Variants in PCSK5 observed in about 807,000 individuals in gnomAD.
PCSK5 encodes prohormone convertase 5.
PCSK5 carries 129 observed loss-of-function variants against 233.2 expected under a neutral mutation model. The observed-to-expected ratio is 0.55, with a 90% CI of 0.48 to 0.64. The LOEUF (loss-of-function observed/expected upper bound fraction) is 0.64. PCSK5 is among the 30% of genes least tolerant of loss of function. The pLI is 0.00. For missense variants in PCSK5, 2,076 were observed against 2,430.1 expected (o/e 0.85, Z 3.06); for synonymous variants, 825 against 879.2 (o/e 0.94, Z 1.09).
intron 21 of PCSK5, among the ~76,000 whole-genome samples, chr9:76,230,238 ATCTT>A (rs1204935620): frequency 1.3e-5 from 2 of 152,176 alleles, no homozygotes; most frequent in African/African-American, 2.4e-5. Flanking sequence ...TGTCTTCCCT[ATCTT>A]TCTATCTTTA....
intron 5 of PCSK5, among the ~76,000 whole-genome samples, chr9:76,046,160 GTTTTTTTTTTTT>G (rs71372041): frequency 6.9e-5 from 4 of 58,036 alleles, no homozygotes; most frequent in Admixed American, 2.6e-4. Context: ...TTTTTCTTTT[GTTTTTTTTTTTT>G]TTTTTTTTTT....
intron 5 of PCSK5, among the ~76,000 whole-genome samples, chr9:76,050,449 G>A (rs1009806369): frequency 1.3e-5 from 2 of 151,940 alleles, no homozygotes; most frequent in Non-Finnish European, 2.9e-5. Context: ...TAGTCTCTTA[G>A]CATATACACT....
At chr9:75,924,483 T>C (rs1297140396) in intron 1 of PCSK5, among the ~76,000 whole-genome samples, 1 of 152,174 alleles carries the variant, frequency 6.6e-6, no homozygotes, top group Non-Finnish European at 1.5e-5. Flanking sequence ...AAATCCTGGC[T>C]TGGACACTTT....
intron 12 of PCSK5, among the ~76,000 whole-genome samples, chr9:76,162,583 A>G (rs926788486): frequency 7.2e-5 from 11 of 152,206 alleles, no homozygotes; most frequent in African/African-American, 2.7e-4. Flanking sequence ...GGAATTTGCC[A>G]GAGATGATTG....
chr9:76,049,099 T>TA (rs33912681), intron 5 of PCSK5, among the ~76,000 whole-genome samples: 30 of 146,610 alleles, frequency 2.0e-4, no homozygotes, highest in East Asian at 4.0e-4. Flanking sequence ...TTCAAAGGGT[T>TA]AAAAAAAAAA....
At position 76,359,227 on chromosome 9, in the gene PCSK5, C is replaced by T. The variant is rs892550230; in HGVS notation, c.*305C>T. On this transcript the variant is annotated 3_prime_UTR_variant, in exon 38 of 38. Transcript: ENST00000674117. ...GAAGTGAAAACAAATGAGATTTGTA[C>T]AAACTCTTCTATGTGATTTTAAAAA... is the stretch of plus-strand genomic sequence containing the variant. 3.0e-6 allele frequency: 1 copy of T among 336,474 alleles called. No homozygotes were observed. The highest frequency in any genetic ancestry group is 4.2e-5 in the Admixed American group (1 of 23,800). The allele number at this position is 336,474 out of a possible 1,614,324, so 20.8% of individuals were successfully genotyped here. A position where few individuals can be genotyped will look rare whatever the true frequency, so the allele number is the denominator to read the frequency against.
At position 75,892,128 on chromosome 9, in the gene PCSK5, G is replaced by C. The variant is rs142389153; in HGVS notation, c.192+755G>C. Reference sequence around the variant, plus strand: ...GTCTTACCCCGGGACGGAAGGTGCCGGGCCGGGAGGTTGCGCCGTGGGGCG... The same window carrying C: ...GTCTTACCCCGGGACGGAAGGTGCCCGGCCGGGAGGTTGCGCCGTGGGGCG... On this transcript the variant is annotated intron_variant, in intron 1 of 37. Transcript: ENST00000674117. 8.7e-3 allele frequency among the ~76,000 whole-genome samples: 1,320 copies of C among 152,308 alleles called. 12 individuals carry two copies. Among genetic ancestry groups the C allele is most frequent in the Non-Finnish European group, 0.013 (884 of 68,022 alleles).
chr9:76,046,163 T>G (rs927453411), intron 5 of PCSK5, among the ~76,000 whole-genome samples: 1 of 25,790 alleles, frequency 3.9e-5, no homozygotes, highest in African/African-American at 2.1e-4. Flanking sequence ...TTCTTTTGTT[T>G]TTTTTTTTTT....
At chr9:76,302,078 T>A (rs1331315327) in intron 27 of PCSK5, 59 bp from the exon 28 acceptor site, 6 of 796,824 alleles carry the variant, frequency 7.5e-6, no homozygotes, top group Non-Finnish European at 9.0e-6. Context: ...GTGAAGTTTA[T>A]CTTCTTTATC....
chr9:76,004,501 A>G lies in PCSK5; in HGVS notation c.411+18256A>G, dbSNP rs532749832. ...AGGGATGATATTTTGTAGCACGTGC[A>G]TATCCTATTCCCTGTCAATTTTTCC... On this transcript the variant is annotated intron_variant, in intron 3 of 37. Transcript: ENST00000674117. Among the ~76,000 whole-genome samples, 9 of 152,304 alleles carry G rather than the reference A, an allele frequency of 5.9e-5. No individual in the cohort carries two copies. In the East Asian group the frequency reaches 1.7e-3, roughly 29 times the overall value.
Position 76,045,402 on chromosome 9 carries a change from A to T in PCSK5, c.632+18365A>T, listed in dbSNP as rs567724796. ...CCAGTTGGTGATTGGTTTCCATGGA[A>T]ATGGAAATGGAATAAGCATTCCTCC... On this transcript the variant is annotated intron_variant, in intron 5 of 37. Transcript: ENST00000674117. Among the ~76,000 whole-genome samples, 6 of 152,318 alleles carry T rather than the reference A, an allele frequency of 3.9e-5. No individual in the cohort carries two copies. In the East Asian group the frequency reaches 9.6e-4, roughly 24 times the overall value.
intron 32 of PCSK5, among the ~76,000 whole-genome samples, chr9:76,325,409 C>A (rs1829331039): frequency 6.6e-6 from 1 of 152,184 alleles, no homozygotes; most frequent in Non-Finnish European, 1.5e-5. Flanking sequence ...ATCACCTGGG[C>A]AGCTCTTAAA....
At chr9:76,310,320 T>C (rs1378499860) in intron 29 of PCSK5, among the ~76,000 whole-genome samples, 4 of 151,554 alleles carry the variant, frequency 2.6e-5, no homozygotes, top group Admixed American at 6.6e-5. Flanking sequence ...AGAGTATTAA[T>C]AGATTCCATC....
At chr9:75,991,210 A>G (rs1312842883) in intron 3 of PCSK5, among the ~76,000 whole-genome samples, 1 of 152,212 alleles carries the variant, frequency 6.6e-6, no homozygotes, top group African/African-American at 2.4e-5. Context: ...ACGTAATTCT[A>G]CATCATGCTT....
At chr9:75,993,568 AAG>A (rs1276208611) in intron 3 of PCSK5, among the ~76,000 whole-genome samples, 1 of 90,092 alleles carries the variant, frequency 1.1e-5, no homozygotes, top group East Asian at 1.4e-3. Flanking sequence ...TACTAATTCA[AAG>A]TCAATATGTA....
chr9:76,167,942 T>C (rs1212068130), intron 12 of PCSK5, among the ~76,000 whole-genome samples: 3 of 152,218 alleles, frequency 2.0e-5, no homozygotes, highest in Admixed American at 2.0e-4. Flanking sequence ...TTTTCCTCTC[T>C]GTTTGCCTCG....
intron 3 of PCSK5, among the ~76,000 whole-genome samples, chr9:75,995,714 G>A (rs1758375963): frequency 6.7e-6 from 1 of 148,180 alleles, no homozygotes; most frequent in African/African-American, 2.5e-5. Context: ...AGTTGCAAAT[G>A]TTGATGATAC....
At chr9:76,143,878 C>T (rs1324331512) in intron 10 of PCSK5, among the ~76,000 whole-genome samples, 1 of 152,032 alleles carries the variant, frequency 6.6e-6, no homozygotes, top group Non-Finnish European at 1.5e-5. Context: ...CTTTGTTTGA[C>T]CAAAGTCTTT....
Position 76,067,933 on chromosome 9 carries a change from AGTGT to A in PCSK5, c.633-15_633-12del, listed in dbSNP as rs1564007052. ...GAGAATGGTGTGTCTTACTTGAGAA[AGTGT>A]GTGTGTTCTGCCTGCAGGCATGGGA... On this transcript the variant is annotated intron_variant, in intron 5 of 37. Coordinates refer to ENST00000674117, the MANE Select transcript of PCSK5 (RefSeq NM_001372043.1). 1 of 1,599,306 alleles carries A rather than the reference AGTGT, an allele frequency of 6.3e-7. No individual in the cohort carries two copies. The highest frequency in any genetic ancestry group is 8.6e-7 in the Non-Finnish European group (1 of 1,167,354).
Sources: gnomAD v4.1 joint callset for allele counts (sites outside exome capture counted in the v4.1 genomes callset) on GRCh38, gnomAD v4.1.1 for gene constraint, MANE v1.5 for transcripts, NCBI Gene and HGNC (gene_info 2026-07-23, HGNC 2026-07-21) for gene names.